Variants in ZNRF3 observed in about 807,000 individuals in gnomAD.
ZNRF3 encodes the protein E3 ubiquitin-protein ligase ZNRF3.
A neutral mutation model predicts 72.5 loss-of-function variants in ZNRF3; 23 were observed. The observed-to-expected ratio is 0.32, with a 90% CI of 0.23 to 0.45. The LOEUF is 0.45. ZNRF3 is among the 20% of genes least tolerant of loss of function. The pLI, the probability that ZNRF3 is intolerant of heterozygous loss-of-function variation, is 1.00. For missense variants in ZNRF3, 1,169 were observed against 1,272.1 expected (o/e 0.92, Z 1.23); for synonymous variants, 610 against 545.3 (o/e 1.12, Z -1.65).
chr22:29,005,514 G>C (rs1220525011), intron 2 of ZNRF3, among the ~76,000 whole-genome samples: 1 of 152,188 alleles, frequency 6.6e-6, no homozygotes, highest in African/African-American at 2.4e-5. Flanking sequence ...AGGAAAGGAG[G>C]AAGAAGACCC....
At chr22:29,029,101 A>C (rs1042902415) in intron 2 of ZNRF3, among the ~76,000 whole-genome samples, 2 of 152,082 alleles carry the variant, frequency 1.3e-5, no homozygotes, top group African/African-American at 2.4e-5. Flanking sequence ...CCTGTGTACA[A>C]CCCCCTCAAA....
chr22:28,891,578 C>A (rs984631972), intron 1 of ZNRF3, among the ~76,000 whole-genome samples: 23 of 152,228 alleles, frequency 1.5e-4, no homozygotes, highest in African/African-American at 5.5e-4. Flanking sequence ...GGTAAAGTCA[C>A]TTGTCAAAGT....
intron 1 of ZNRF3, among the ~76,000 whole-genome samples, chr22:28,968,011 A>T (rs1353781830): frequency 6.6e-6 from 1 of 151,554 alleles, no homozygotes; most frequent in Non-Finnish European, 1.5e-5. Context: ...CTTATGTCTT[A>T]TTTCACTTCT....
intron 1 of ZNRF3, among the ~76,000 whole-genome samples, chr22:28,959,053 A>G (rs1569261363): frequency 1.3e-5 from 2 of 152,256 alleles, no homozygotes; most frequent in Admixed American, 6.5e-5. Context: ...TCTCAAGGAA[A>G]GGCTGAATTG....
intron 1 of ZNRF3, among the ~76,000 whole-genome samples, chr22:28,900,054 A>T (rs7289444): frequency 6.6e-6 from 1 of 152,182 alleles, no homozygotes; most frequent in African/African-American, 2.4e-5. Flanking sequence ...GGGATCTTCT[A>T]TCTCTTCCTA....
chr22:28,925,873 T>A (rs2034591172), intron 1 of ZNRF3, among the ~76,000 whole-genome samples: 1 of 152,150 alleles, frequency 6.6e-6, no homozygotes, highest in Non-Finnish European at 1.5e-5. Flanking sequence ...ACAGAGTATG[T>A]AAGGTTCCCT....
At chr22:29,017,178 A>G (rs1270091777) in intron 2 of ZNRF3, among the ~76,000 whole-genome samples, 1 of 152,200 alleles carries the variant, frequency 6.6e-6, no homozygotes, top group Non-Finnish European at 1.5e-5. Context: ...GGTTGCCAAC[A>G]CTTGAATTGG....
At chr22:29,010,393 C>T (rs961832487) in intron 2 of ZNRF3, among the ~76,000 whole-genome samples, 1 of 152,056 alleles carries the variant, frequency 6.6e-6, no homozygotes, top group Non-Finnish European at 1.5e-5. Context: ...ATAATGCCTT[C>T]AAGGTTCGCT....
intron 2 of ZNRF3, among the ~76,000 whole-genome samples, chr22:28,994,866 C>G (rs1280374016): frequency 6.6e-6 from 1 of 152,108 alleles, no homozygotes; most frequent in Non-Finnish European, 1.5e-5. Flanking sequence ...CATAGTTGCT[C>G]CAGGAAAGAA....
chr22:28,928,581 C>A (rs928497646), intron 1 of ZNRF3, among the ~76,000 whole-genome samples: 4 of 151,110 alleles, frequency 2.6e-5, no homozygotes, highest in African/African-American at 9.7e-5. Flanking sequence ...GCAGCCTCCA[C>A]CTCCCGGGTT....
intron 1 of ZNRF3, among the ~76,000 whole-genome samples, chr22:28,910,723 C>T (rs181101226): frequency 1.2e-4 from 18 of 152,278 alleles, no homozygotes; most frequent in Admixed American, 5.2e-4. Context: ...GTATAACATG[C>T]ATAGGCTGAG....
intron 1 of ZNRF3, among the ~76,000 whole-genome samples, chr22:28,973,557 C>T (rs931204355): frequency 1.8e-4 from 28 of 152,106 alleles, no homozygotes; most frequent in African/African-American, 6.3e-4. Context: ...CAGTGCAACT[C>T]GAAGCCCTTA....
intron 2 of ZNRF3, among the ~76,000 whole-genome samples, chr22:29,029,808 G>A (rs145765571): frequency 3.9e-4 from 59 of 152,258 alleles, no homozygotes; most frequent in African/African-American, 1.3e-3. Context: ...CCTGCCCGCC[G>A]CCTCTCATCC....
At chr22:28,991,381 T>G (rs2035952199) in intron 2 of ZNRF3, among the ~76,000 whole-genome samples, 1 of 147,486 alleles carries the variant, frequency 6.8e-6, no homozygotes, top group Non-Finnish European at 1.5e-5. Context: ...GTGGGGAAAT[T>G]GAGAAAAAGA....
chr22:28,976,668 T>A (rs1206856497), intron 1 of ZNRF3, among the ~76,000 whole-genome samples: 1 of 152,206 alleles, frequency 6.6e-6, no homozygotes, highest in Non-Finnish European at 1.5e-5. Flanking sequence ...CTTTTCATAA[T>A]AAGAACGATC....
chr22:29,041,696 G>A lies in ZNRF3; in HGVS notation c.427-799G>A, dbSNP rs190794959. On this transcript the variant is annotated intron_variant, in intron 2 of 8. Coordinates refer to ENST00000544604, the MANE Select transcript of ZNRF3 (RefSeq NM_001206998.2). The stretch of plus-strand genomic sequence containing the variant: ...ACAAACTTCCCAAGTGGCTTTTGAT[G>A]TGTAGCCAGGTCTGGCAGCCAACTG... Among the ~76,000 whole-genome samples the A allele has an allele frequency of 3.2e-4, 48 of 152,272 alleles. 1 individual carries two copies. Among genetic ancestry groups the A allele is most frequent in the East Asian group, 2.5e-3 (13 of 5,176 alleles).
chr22:28,950,169 C>T (rs574741939), intron 1 of ZNRF3, among the ~76,000 whole-genome samples: 183 of 152,288 alleles, frequency 1.2e-3, no homozygotes, highest in Non-Finnish European at 2.1e-3. Flanking sequence ...GTGCAAATGT[C>T]AGCAGACTGT....
chr22:28,939,633 T>C (rs368179137), intron 1 of ZNRF3, among the ~76,000 whole-genome samples: 2 of 151,984 alleles, frequency 1.3e-5, no homozygotes, highest in East Asian at 3.9e-4. Context: ...TTACATGTTA[T>C]CCTGTTTGTG....
At chr22:29,006,857 A>T (rs12628579) in intron 2 of ZNRF3, among the ~76,000 whole-genome samples, 10,408 of 152,234 alleles carry the variant, frequency 0.068, 570 homozygotes, top group African/African-American at 0.14. Context: ...AGGTTTTGAT[A>T]AAGTCTTAGC....
Sources: gnomAD v4.1 joint callset for allele counts (sites outside exome capture counted in the v4.1 genomes callset) on GRCh38, gnomAD v4.1.1 for gene constraint, MANE v1.5 for transcripts, NCBI Gene and HGNC (gene_info 2026-07-23, HGNC 2026-07-21) for gene names.